Variants in FNDC3B observed in about 807,000 individuals in gnomAD.
The protein encoded by FNDC3B is fibronectin type III domain containing 3B.
Under a neutral mutation model 151.5 loss-of-function variants are expected in FNDC3B, and 12 were observed. That is an observed-to-expected ratio of 0.08 (90% CI 0.05 to 0.13). The LOEUF (loss-of-function observed/expected upper bound fraction) is 0.13. FNDC3B is among the 10% of genes least tolerant of loss of function. The probability of loss-of-function intolerance (pLI) is 1.00; values close to 1 mark genes in which losing one functional copy is unlikely to be tolerated. For missense variants in FNDC3B, 1,214 were observed against 1,505.3 expected (o/e 0.81, Z 3.20); for synonymous variants, 528 against 549.0 (o/e 0.96, Z 0.54).
At chr3:172,324,559 G>A (rs1246663295) in intron 11 of FNDC3B, among the ~76,000 whole-genome samples, 1 of 117,682 alleles carries the variant, frequency 8.5e-6, no homozygotes, top group East Asian at 2.6e-4. Context: ...TCTTCACATT[G>A]TAGTAAAGAA....
chr3:172,077,607 C>T (rs1468198486), intron 1 of FNDC3B, among the ~76,000 whole-genome samples: 1 of 152,230 alleles, frequency 6.6e-6, no homozygotes, highest in Non-Finnish European at 1.5e-5. Flanking sequence ...TGAATGCTCT[C>T]TCCCTTTCCT....
At chr3:172,140,058 G>A (rs1448208762) in intron 3 of FNDC3B, among the ~76,000 whole-genome samples, 1 of 152,182 alleles carries the variant, frequency 6.6e-6, no homozygotes, top group African/African-American at 2.4e-5. Context: ...AAATCTTCTA[G>A]AATTGAAAAT....
At chr3:172,372,106 T>G (rs1355452336) in intron 23 of FNDC3B, among the ~76,000 whole-genome samples, 2 of 152,212 alleles carry the variant, frequency 1.3e-5, no homozygotes, top group Non-Finnish European at 2.9e-5. Context: ...GAACGCACCA[T>G]TACCAGACTG....
intron 6 of FNDC3B, among the ~76,000 whole-genome samples, chr3:172,279,090 G>C (rs1217873690): frequency 6.6e-6 from 1 of 152,092 alleles, no homozygotes; most frequent in African/African-American, 2.4e-5. Flanking sequence ...ACCTAGACCT[G>C]GCACTCCATG....
At chr3:172,310,062 A>G (rs1731390233) in intron 10 of FNDC3B, among the ~76,000 whole-genome samples, 1 of 151,860 alleles carries the variant, frequency 6.6e-6, no homozygotes, top group African/African-American at 2.4e-5. Flanking sequence ...GCTTCCCCCA[A>G]CTTGTAGTTC....
At chr3:172,390,670 A>G (rs1735964487) in intron 25 of FNDC3B, among the ~76,000 whole-genome samples, 1 of 151,954 alleles carries the variant, frequency 6.6e-6, no homozygotes, top group South Asian at 2.1e-4. Context: ...TAATTAAAAT[A>G]GATATAAATA....
intron 3 of FNDC3B, among the ~76,000 whole-genome samples, chr3:172,173,297 C>A (rs1464847930): frequency 6.6e-6 from 1 of 152,026 alleles, no homozygotes; most frequent in African/African-American, 2.4e-5. Flanking sequence ...ATCACAGATT[C>A]TTTTATCGTG....
At chr3:172,240,111 C>T (rs1025733450) in intron 4 of FNDC3B, among the ~76,000 whole-genome samples, 1 of 151,960 alleles carries the variant, frequency 6.6e-6, no homozygotes, top group Non-Finnish European at 1.5e-5. Context: ...GACCTTGTGT[C>T]CTGCCCACCT....
At chr3:172,253,940 C>T (rs949051127) in intron 6 of FNDC3B, among the ~76,000 whole-genome samples, 2 of 152,090 alleles carry the variant, frequency 1.3e-5, no homozygotes, top group Non-Finnish European at 2.9e-5. Flanking sequence ...CCACCACACC[C>T]TGCTAATTTT....
intron 11 of FNDC3B, chr3:172,317,287 C>G: frequency 2.9e-6 from 1 of 347,162 alleles, no homozygotes; most frequent in Non-Finnish European, 5.7e-6. Context: ...GGGTTCACGC[C>G]TTTCTCCTGC....
intron 3 of FNDC3B, 58 bp downstream of exon 3, chr3:172,133,604 G>C (rs1721215653): frequency 8.2e-7 from 1 of 1,224,894 alleles, no homozygotes; most frequent in South Asian, 1.2e-5. Flanking sequence ...TTTGAAGGAA[G>C]TAATGTTTTT....
intron 3 of FNDC3B, among the ~76,000 whole-genome samples, chr3:172,183,907 G>A (rs1303563427): frequency 1.3e-5 from 2 of 152,070 alleles, no homozygotes; most frequent in Non-Finnish European, 2.9e-5. Context: ...ATAATGATTT[G>A]CATTAATATT....
chr3:172,148,809 C>T (rs73880109), intron 3 of FNDC3B, among the ~76,000 whole-genome samples: 5,344 of 152,248 alleles, frequency 0.035, 272 homozygotes, highest in African/African-American at 0.11. Flanking sequence ...GTTCATTGAT[C>T]ATTTTTCTAC....
chr3:172,382,144 C>A (rs1735475974), intron 25 of FNDC3B, among the ~76,000 whole-genome samples: 1 of 152,200 alleles, frequency 6.6e-6, no homozygotes, highest in African/African-American at 2.4e-5. Context: ...TGTTTCCTGA[C>A]TTTTTAAATG....
At chr3:172,217,499 C>T (rs1237198878) in intron 3 of FNDC3B, among the ~76,000 whole-genome samples, 4 of 152,194 alleles carry the variant, frequency 2.6e-5, no homozygotes, top group African/African-American at 9.7e-5. Context: ...CTGCTTTATG[C>T]AGTAGTTTGT....
At chr3:172,313,801 A>C (rs886557940) in intron 11 of FNDC3B, among the ~76,000 whole-genome samples, 1 of 152,194 alleles carries the variant, frequency 6.6e-6, no homozygotes, top group African/African-American at 2.4e-5. Flanking sequence ...TGGCAATGAG[A>C]ATTCAAGCAG....
At chr3:172,394,584 T>G (rs919923429) in intron 25 of FNDC3B, among the ~76,000 whole-genome samples, 14 of 152,064 alleles carry the variant, frequency 9.2e-5, no homozygotes, top group Non-Finnish European at 2.1e-4. Context: ...GGTAAGGAGA[T>G]GAAATCAATA....
In FNDC3B at chr3:172,251,314, G is replaced by T. The variant is rs1311866403; in HGVS notation, c.563G>T (p.Ser188Ile). 1 of 1,613,686 alleles carries T rather than the reference G, an allele frequency of 6.2e-7. No homozygotes were observed. ...TACATCACCCGAGAAGACCAGTACA[G>T]CAAGCCTCCGCACAAAAAACTGAAA... ...STYITREDQY[S>I]KPPHKKLKDR... is the part of the protein sequence containing the mutation. Residue 188 changes from serine to isoleucine, a missense_variant, in exon 6 of 26, where the codon AGC becomes ATC. Ser to Ile is a moderately radical substitution (Grantham distance 142, BLOSUM62 -2). Around this residue, in one of 7 missense-constraint regions of FNDC3B, gnomAD observed 166 missense variants for 173.2 expected, o/e 0.96. Transcript: ENST00000415807.
At chr3:172,380,690 C>T (rs1029630020) in intron 24 of FNDC3B, among the ~76,000 whole-genome samples, 1 of 152,100 alleles carries the variant, frequency 6.6e-6, no homozygotes, top group African/African-American at 2.4e-5. Flanking sequence ...ACTCAATTGC[C>T]ATAGGAGAAA....
Sources: gnomAD v4.1 joint callset for allele counts (sites outside exome capture counted in the v4.1 genomes callset) on GRCh38, gnomAD v4.1.1 for gene constraint, gnomAD v4.1.1 regional missense constraint, MANE v1.5 for transcripts, NCBI Gene and HGNC (gene_info 2026-07-23, HGNC 2026-07-21) for gene names.